Variants in ASTN2 observed in about 807,000 individuals in gnomAD.
The protein encoded by ASTN2 is astrotactin 2, also known as astrotactin-2.
ASTN2 carries 54 observed loss-of-function variants against 139.8 expected under a neutral mutation model. That is an observed-to-expected ratio of 0.39 (90% CI 0.31 to 0.48). ASTN2 has a LOEUF of 0.48. ASTN2 is among the 20% of genes least tolerant of loss of function. The probability of loss-of-function intolerance (pLI) is 0.95; values close to 1 mark genes in which losing one functional copy is unlikely to be tolerated. For missense variants in ASTN2, 1,565 were observed against 1,725.1 expected (o/e 0.91, Z 1.64); for synonymous variants, 756 against 719.5 (o/e 1.05, Z -0.81).
At chr9:116,660,914 C>G (rs569321836) in intron 16 of ASTN2, among the ~76,000 whole-genome samples, 3 of 152,204 alleles carry the variant, frequency 2.0e-5, no homozygotes, top group African/African-American at 7.2e-5. Flanking sequence ...CACATTTTCA[C>G]CTATGATCTC....
At chr9:116,657,920 C>T (rs1456573351) in intron 16 of ASTN2, among the ~76,000 whole-genome samples, 5 of 144,174 alleles carry the variant, frequency 3.5e-5, no homozygotes, top group Non-Finnish European at 6.0e-5. Context: ...TGGAGTCTTG[C>T]TGTATCACCC....
intron 20 of ASTN2, among the ~76,000 whole-genome samples, chr9:116,477,615 G>A (rs1472803842): frequency 6.6e-6 from 1 of 151,936 alleles, no homozygotes; most frequent in African/African-American, 2.4e-5. Flanking sequence ...TAAAAGAAGA[G>A]CGACCCTAGG....
At chr9:117,232,199 G>A (rs1187173534) in intron 2 of ASTN2, among the ~76,000 whole-genome samples, 1 of 152,198 alleles carries the variant, frequency 6.6e-6, no homozygotes, top group South Asian at 2.1e-4. Flanking sequence ...AGGGTCCCAT[G>A]AGTGTATTGT....
At chr9:117,397,043 G>A (rs1361764612) in intron 1 of ASTN2, among the ~76,000 whole-genome samples, 1 of 148,904 alleles carries the variant, frequency 6.7e-6, no homozygotes, top group Non-Finnish European at 1.5e-5. Flanking sequence ...TCAGATTCAA[G>A]CAATTCTCCT....
rs566543799 is a variant in ASTN2, at chr9:116,653,652, G to A, written c.2807-1859C>T. Among the ~76,000 whole-genome samples, 91 of 152,312 alleles carry A rather than the reference G, an allele frequency of 6.0e-4. 1 individual carries two copies. Among genetic ancestry groups the A allele is most frequent in the South Asian group, 1.2e-3 (6 of 4,820 alleles). On this transcript the variant is annotated intron_variant, in intron 16 of 22. Coordinates refer to ENST00000313400, the MANE Select transcript of ASTN2 (RefSeq NM_001365068.1). ...GCCTCAGTGGAAATAGGGGCCCTGCGCCCTGATGTCGGGGAGAAAAAGGAG... is the reference window on the plus strand; with the variant it reads ...GCCTCAGTGGAAATAGGGGCCCTGCACCCTGATGTCGGGGAGAAAAAGGAG...
intron 19 of ASTN2, among the ~76,000 whole-genome samples, chr9:116,601,915 GAGATTAAATTGAGAAA>G (rs139493602): frequency 0.024 from 3,709 of 152,258 alleles, 141 homozygotes; most frequent in African/African-American, 0.085. Flanking sequence ...AACCCAGAGA[GAGATTAAATTGAGAAA>G]AGATTATACA....
At chr9:116,681,286 T>A (rs930266151) in intron 16 of ASTN2, among the ~76,000 whole-genome samples, 5 of 151,862 alleles carry the variant, frequency 3.3e-5, no homozygotes, top group Non-Finnish European at 7.4e-5. Context: ...TGCTTCAAAG[T>A]GAATAAAATA....
chr9:116,507,040 C>T (rs889955086), intron 19 of ASTN2, among the ~76,000 whole-genome samples: 1 of 152,166 alleles, frequency 6.6e-6, no homozygotes, highest in Non-Finnish European at 1.5e-5. Flanking sequence ...GTGTTGGGTT[C>T]CTTGCTATAA....
intron 20 of ASTN2, among the ~76,000 whole-genome samples, chr9:116,458,594 T>C (rs1428695340): frequency 6.6e-6 from 1 of 151,972 alleles, no homozygotes; most frequent in East Asian, 1.9e-4. Flanking sequence ...GTATTTCTAT[T>C]TACTAGCAAT....
At chr9:116,827,422 CA>C (rs1341548509) in intron 11 of ASTN2, among the ~76,000 whole-genome samples, 29 of 150,932 alleles carry the variant, frequency 1.9e-4, no homozygotes, top group African/African-American at 6.8e-4. Flanking sequence ...GAAATAGACC[CA>C]AAAAGCAATG....
chr9:117,298,939 G>A (rs1406715425), intron 1 of ASTN2, among the ~76,000 whole-genome samples: 1 of 152,046 alleles, frequency 6.6e-6, no homozygotes, highest in Non-Finnish European at 1.5e-5. Flanking sequence ...AGAAGAGACA[G>A]CAACTTGGGG....
intron 19 of ASTN2, among the ~76,000 whole-genome samples, chr9:116,502,539 AG>A (rs1849902437): frequency 2.3e-4 from 4 of 17,254 alleles, no homozygotes; most frequent in Non-Finnish European, 1.0e-3. Context: ...AGAAGTGGAT[AG>A]AAGGTCAGAG....
chr9:117,214,751 G>A lies in ASTN2; in HGVS notation c.631-9C>T. 2.0e-6 allele frequency: 3 copies of A among 1,475,236 alleles called. No individual in the cohort carries two copies. The highest frequency in any genetic ancestry group is 2.7e-6 in the Non-Finnish European group (3 of 1,112,818). The allele number at this position is 1,475,236 out of a possible 1,614,324, so 91.4% of individuals were successfully genotyped here. On this transcript the variant is annotated splice_polypyrimidine_tract_variant and intron_variant, in intron 2 of 22. Coordinates refer to ENST00000313400, the MANE Select transcript of ASTN2 (RefSeq NM_001365068.1). ...AGCGCGATGAGGCCACCCTGGAGCA[G>A]GAAGGAAGGACACACAAATGGGCCA...
At chr9:117,318,781 T>C (rs1177609311) in intron 1 of ASTN2, among the ~76,000 whole-genome samples, 2 of 152,130 alleles carry the variant, frequency 1.3e-5, no homozygotes, top group African/African-American at 4.8e-5. Flanking sequence ...GCCTGAGCAA[T>C]CAGCTGCTGC....
Position 116,637,019 on chromosome 9 carries a change from G to T in ASTN2, c.3072+14509C>A, listed in dbSNP as rs370310455. On this transcript the variant is annotated intron_variant, in intron 17 of 22. Transcript: ENST00000313400. ...CTCCTCCCAAGTATGCAGCACCAAG[G>T]TGCCATCTTGGAAGCAGAGAGCAAC... 3.3e-4 allele frequency among the ~76,000 whole-genome samples: 51 copies of T among 152,274 alleles called. No homozygotes were observed. The East Asian group carries it at 8.1e-3, about 24-fold the overall frequency.
chr9:117,079,021 C>A (rs1254000529), intron 5 of ASTN2, among the ~76,000 whole-genome samples: 1 of 152,294 alleles, frequency 6.6e-6, no homozygotes, highest in South Asian at 2.1e-4. Flanking sequence ...CAGGCTTGAG[C>A]CACTGCACCC....
chr9:116,504,654 T>C (rs1269003591), intron 19 of ASTN2, among the ~76,000 whole-genome samples: 1 of 152,076 alleles, frequency 6.6e-6, no homozygotes, highest in Non-Finnish European at 1.5e-5. Context: ...ATACTATGCC[T>C]AGTATTTCAT....
At chr9:117,041,842 A>G (rs779974651) in intron 5 of ASTN2, among the ~76,000 whole-genome samples, 1 of 152,112 alleles carries the variant, frequency 6.6e-6, no homozygotes. Context: ...ATAGAAATCC[A>G]CTTGTTTCCT....
intron 13 of ASTN2, among the ~76,000 whole-genome samples, chr9:116,743,656 C>T (rs1216349639): frequency 2.0e-5 from 3 of 152,080 alleles, no homozygotes; most frequent in Non-Finnish European, 4.4e-5. Context: ...CAGGGGTGTG[C>T]CACCCCACCG....
Sources: gnomAD v4.1 joint callset for allele counts (sites outside exome capture counted in the v4.1 genomes callset) on GRCh38, gnomAD v4.1.1 for gene constraint, MANE v1.5 for transcripts, NCBI Gene and HGNC (gene_info 2026-07-23, HGNC 2026-07-21) for gene names.